Variants in CNNM2 observed in about 807,000 individuals in gnomAD.
The protein encoded by CNNM2 is cyclin and CBS domain divalent metal cation transport mediator 2.
In CNNM2, 12 loss-of-function variants were observed where a neutral mutation model predicts 66.9. That is an observed-to-expected ratio of 0.18 (90% CI 0.11 to 0.29). The LOEUF (loss-of-function observed/expected upper bound fraction) is 0.29. Among genes scored for constraint, CNNM2 ranks in the 10% least tolerant of loss-of-function variants. The pLI, the probability that CNNM2 is intolerant of heterozygous loss-of-function variation, is 1.00. For missense variants in CNNM2, 705 were observed against 1,167.7 expected, an observed-to-expected ratio of 0.60 and a Z score of 5.77; for synonymous variants, 557 against 501.8, an observed-to-expected ratio of 1.11 and a Z score of -1.47.
chr10:102,976,425 C>CTTTTTTTTTTT lies in CNNM2; in HGVS notation c.1621+56340_1621+56350dup, dbSNP rs1206577839. ...TTACAGTATCAGTTCCAATTCTTGCCTTTTTTTTTTTTTTTTTTTTTTTTT... is the reference window on the plus strand; with the variant it reads ...TTACAGTATCAGTTCCAATTCTTGCCTTTTTTTTTTTTTTTTTTTTTTTTTTTTTTTTTTTT... On this transcript the variant is annotated intron_variant, in intron 1 of 7. Coordinates refer to ENST00000369878, the MANE Select transcript of CNNM2 (RefSeq NM_017649.5). 2.0e-4 allele frequency among the ~76,000 whole-genome samples: 7 copies of CTTTTTTTTTTT among 34,720 alleles called. 1 individual carries two copies. Among genetic ancestry groups the CTTTTTTTTTTT allele is most frequent in the Non-Finnish European group, 3.6e-4 (7 of 19,636 alleles). The allele number at this position is 34,720 out of a possible 152,430, so 22.8% of individuals were successfully genotyped here.
chr10:102,972,221 A>G (rs1247340574), intron 1 of CNNM2, among the ~76,000 whole-genome samples: 1 of 152,190 alleles, frequency 6.6e-6, no homozygotes, highest in Non-Finnish European at 1.5e-5. Flanking sequence ...CTGCATCAGA[A>G]TAATTTAGGG....
chr10:103,047,339 A>G (rs1424529438), intron 1 of CNNM2, among the ~76,000 whole-genome samples: 2 of 152,218 alleles, frequency 1.3e-5, no homozygotes, highest in Non-Finnish European at 2.9e-5. Flanking sequence ...GTACCCTTCA[A>G]TATTGTCAAT....
intron 1 of CNNM2, among the ~76,000 whole-genome samples, chr10:102,927,794 A>G (rs1275785137): frequency 6.6e-6 from 1 of 152,088 alleles, no homozygotes; most frequent in African/African-American, 2.4e-5. Context: ...CGAAGGAGGA[A>G]CTAGAGGTTT....
intron 1 of CNNM2, among the ~76,000 whole-genome samples, chr10:102,998,749 A>G (rs1447154551): frequency 6.6e-6 from 1 of 152,158 alleles, no homozygotes; most frequent in African/African-American, 2.4e-5. Context: ...AGGCAAAGCC[A>G]GTTGGATTGC....
intron 1 of CNNM2, among the ~76,000 whole-genome samples, chr10:102,943,333 C>T (rs527496365): frequency 2.9e-4 from 44 of 152,086 alleles, no homozygotes; most frequent in African/African-American, 8.0e-4. Flanking sequence ...GAGGCTGAGG[C>T]GGGAGGATGG....
chr10:103,077,571 GTTGT>G lies in CNNM2; in HGVS notation c.*393_*396del. The G allele has an allele frequency of 4.5e-6, 1 of 222,556 alleles. No individual in the cohort carries two copies. The highest frequency in any genetic ancestry group is 9.0e-6 in the Non-Finnish European group (1 of 110,636). The allele number at this position is 222,556 out of a possible 1,614,324, so 13.8% of individuals were successfully genotyped here. ...TAAAGTGTCTTTTGCAGAGTTTTAAGTTGTTCTGTCTGAACTCTGCTGTGATCCC... is the reference window on the plus strand; with the variant it reads ...TAAAGTGTCTTTTGCAGAGTTTTAAGTCTGTCTGAACTCTGCTGTGATCCC... On this transcript the variant is annotated 3_prime_UTR_variant, in exon 8 of 8. Coordinates refer to ENST00000369878, the MANE Select transcript of CNNM2 (RefSeq NM_017649.5).
In CNNM2 at chr10:103,085,385, A is replaced by C. The variant is rs1486771140; in HGVS notation, c.*8205A>C. ...ACTGGACACTGAGTAAACATTTTTC[A>C]GTGTGGGGAAGGTTTGCTTGGCAAA... On this transcript the variant is annotated 3_prime_UTR_variant, in exon 8 of 8. Coordinates refer to ENST00000369878, the MANE Select transcript of CNNM2 (RefSeq NM_017649.5). The C allele has an allele frequency of 1.3e-5, 2 of 152,206 alleles. No homozygotes were observed. The highest frequency in any genetic ancestry group is 2.4e-5 in the African/African-American group (1 of 41,442). 9.4% of individuals were successfully genotyped at this position (152,206 alleles called of 1,614,324 possible). A position where few individuals can be genotyped will look rare whatever the true frequency, so the allele number is the denominator to read the frequency against.
chr10:103,087,140 ATTTTTTTTTTTTTTTTTTTT>A lies in CNNM2; in HGVS notation c.*9973_*9992del, dbSNP rs71019655. The A allele has an allele frequency of 1.3e-5, 1 of 75,374 alleles. No individual in the cohort carries two copies. The highest frequency in any genetic ancestry group is 2.3e-5 in the Non-Finnish European group (1 of 42,740). The allele number at this position is 75,374 out of a possible 1,614,324, so 4.7% of individuals were successfully genotyped here. On this transcript the variant is annotated 3_prime_UTR_variant, in exon 8 of 8. Coordinates refer to ENST00000369878, the MANE Select transcript of CNNM2 (RefSeq NM_017649.5). ...TTCTCACGGTATAAAACTCCGCAGG[ATTTTTTTTTTTTTTTTTTTT>A]TTTTTTTTTTTTAAGGAAAAAAGTA...
intron 1 of CNNM2, among the ~76,000 whole-genome samples, chr10:103,006,794 TTTTA>T (rs2064237562): frequency 6.6e-6 from 1 of 152,010 alleles, no homozygotes; most frequent in South Asian, 2.1e-4. Flanking sequence ...ACCCAGATAA[TTTTA>T]TTTATTTATT....
intron 1 of CNNM2, among the ~76,000 whole-genome samples, chr10:103,023,462 C>T (rs1185713195): frequency 1.3e-5 from 2 of 152,090 alleles, no homozygotes; most frequent in Non-Finnish European, 2.9e-5. Context: ...GCAGGAGAAT[C>T]GCTTGAACCT....
At chr10:102,987,813 T>TTGGGGCA (rs1377414587) in intron 1 of CNNM2, among the ~76,000 whole-genome samples, 1 of 152,152 alleles carries the variant, frequency 6.6e-6, no homozygotes, top group Non-Finnish European at 1.5e-5. Flanking sequence ...AACAGTTGTG[T>TTGGGGCA]GAAATGTGGG....
intron 1 of CNNM2, among the ~76,000 whole-genome samples, chr10:102,943,149 C>T (rs983127260): frequency 1.3e-5 from 2 of 152,060 alleles, no homozygotes; most frequent in East Asian, 3.9e-4. Context: ...TGCTTGAACC[C>T]GGGAGGTGGA....
At chr10:103,003,699 G>A (rs2064168336) in intron 1 of CNNM2, among the ~76,000 whole-genome samples, 2 of 151,994 alleles carry the variant, frequency 1.3e-5, no homozygotes, top group Non-Finnish European at 1.5e-5. Context: ...CTTAAACCCA[G>A]GATGCTGTGG....
chr10:103,037,765 C>T (rs1324071242), intron 1 of CNNM2, among the ~76,000 whole-genome samples: 3 of 152,084 alleles, frequency 2.0e-5, no homozygotes, highest in South Asian at 4.1e-4. Flanking sequence ...GGTTTAAATG[C>T]GATTTGTAGA....
Position 103,048,795 on chromosome 10 carries a change from T to A in CNNM2, c.1622-912T>A, listed in dbSNP as rs190974231. ...TTTTATGACAATTCCCATGTTGTCA[T>A]ACAGATTACCAAAAGACATGTACTC... On this transcript the variant is annotated intron_variant, in intron 1 of 7. Coordinates refer to ENST00000369878, the MANE Select transcript of CNNM2 (RefSeq NM_017649.5). 3.6e-3 allele frequency among the ~76,000 whole-genome samples: 545 copies of A among 152,348 alleles called. 3 individuals carry two copies. Among genetic ancestry groups the A allele is most frequent in the South Asian group, 8.1e-3 (39 of 4,830 alleles).
At chr10:102,975,338 A>C (rs911846761) in intron 1 of CNNM2, among the ~76,000 whole-genome samples, 4 of 152,184 alleles carry the variant, frequency 2.6e-5, no homozygotes, top group African/African-American at 9.6e-5. Flanking sequence ...TTATTTTGCA[A>C]CTGACAGTAA....
intron 1 of CNNM2, among the ~76,000 whole-genome samples, chr10:102,972,229 G>C (rs2063556337): frequency 6.6e-6 from 1 of 152,150 alleles, no homozygotes; most frequent in African/African-American, 2.4e-5. Context: ...GAATAATTTA[G>C]GGGAATTTTT....
intron 1 of CNNM2, among the ~76,000 whole-genome samples, chr10:103,046,094 C>T (rs947689903): frequency 2.0e-5 from 3 of 152,264 alleles, no homozygotes; most frequent in African/African-American, 7.2e-5. Flanking sequence ...CCAGCCGATT[C>T]CAGGCAGTGT....
intron 4 of CNNM2, among the ~76,000 whole-genome samples, chr10:103,066,417 A>G (rs1163411175): frequency 6.6e-6 from 1 of 152,038 alleles, no homozygotes; most frequent in Non-Finnish European, 1.5e-5. Flanking sequence ...TCCCTTATCA[A>G]TAGCTTCTCT....
Sources: allele counts gnomAD v4.1 joint callset (sites outside exome capture counted in the v4.1 genomes callset), GRCh38; gene constraint gnomAD v4.1.1; transcripts MANE v1.5; gene names NCBI Gene and HGNC (gene_info 2026-07-23, HGNC 2026-07-21).